Variants in PLD2 observed in about 807,000 individuals in gnomAD.
PLD2 encodes phospholipase D2, also known as choline phosphatase 2.
A neutral mutation model predicts 119.8 loss-of-function variants in PLD2; 101 were observed. The observed-to-expected ratio is 0.84, with a 90% CI of 0.72 to 0.99. The LOEUF is 0.99. Ranked by LOEUF, PLD2 falls within the 50% of genes least tolerant of loss-of-function variation. PLD2 has a pLI of 0.00. For synonymous variants in PLD2, 494 were observed against 482.8 expected (o/e 1.02, Z -0.30); for missense variants, 1,164 against 1,226.8 (o/e 0.95, Z 0.76).
chr17:4,818,797 C>T lies in PLD2; in HGVS notation c.2147C>T (p.Ser716Leu), dbSNP rs1193019938. ...TYRTLCRGEY[S>L]ILHRLKAAMG... ...AGGACCCTGTGTCGTGGGGAGTATT[C>T]AATCCTGCATCGCCTTAAAGCAGCC... is the stretch of plus-strand genomic sequence containing the variant. Residue 716 changes from serine to leucine, a missense_variant, in exon 21 of 25, where the codon TCA (serine) becomes TTA (leucine). Coordinates refer to ENST00000263088, the MANE Select transcript of PLD2 (RefSeq NM_002663.5). The T allele has an allele frequency of 1.2e-5, 20 of 1,614,156 alleles. No homozygotes were observed. Among genetic ancestry groups the T allele is most frequent in the Non-Finnish European group, 1.7e-5 (20 of 1,180,012 alleles).
Position 4,809,893 on chromosome 17 carries a change from G to A in PLD2, c.724G>A (p.Asp242Asn). 6.2e-7 allele frequency: 1 copy of A among 1,614,216 alleles called. No individual in the cohort carries two copies. Among genetic ancestry groups the A allele is most frequent in the Non-Finnish European group, 8.5e-7 (1 of 1,180,042 alleles). Reference protein sequence around the residue: ...RWSKRWLVVKDSFLLYMCLET... With the variant: ...RWSKRWLVVKNSFLLYMCLET... ...CTGCTCTAGGTGGCTGGTGGTGAAG[G>A]ACTCCTTCCTGCTGTACATGTGCCT... The change falls in exon 9 of 25, where the codon GAC (aspartate) becomes AAC (asparagine). Residue 242 changes from aspartate to asparagine, a missense_variant. Asp to Asn is a conservative substitution (Grantham distance 23). Transcript: ENST00000263088.
rs149773899 is a variant in PLD2 at position 4,819,146 on chromosome 17, G to A, written c.2236G>A (p.Gly746Arg). The change falls in exon 22 of 25, where the codon GGG (glycine) becomes AGG (arginine). Residue 746 changes from glycine (G) to arginine (R), a missense_variant. By Grantham distance (125) the Gly-to-Arg change is moderately radical. Transcript: ENST00000263088. This position sits in a 1 kb window ranked among gnomAD's most constrained non-coding sequence, Gnocchi z 4.2. ...GCTTCGTACACACGGAGAGCTGGGCGGGCACCCCGTCTCGGAGCTCATCTA... is the reference window on the plus strand; with the variant it reads ...GCTTCGTACACACGGAGAGCTGGGCAGGCACCCCGTCTCGGAGCTCATCTA... ...CGLRTHGELG[G>R]HPVSELIYIH... is the part of the protein sequence containing the mutation. The A allele has an allele frequency of 2.2e-3, 3,576 of 1,614,012 alleles. 6 individuals carry two copies. Among genetic ancestry groups the A allele is most frequent in the Non-Finnish European group, 2.6e-3 (3,052 of 1,180,022 alleles).
At position 4,822,876 on chromosome 17, in the gene PLD2, G is replaced by A. The variant is rs145171839; in HGVS notation, c.*12G>A. 732 of 1,468,632 alleles carry A rather than the reference G, an allele frequency of 5.0e-4. 3 individuals are homozygous for A. In the Middle Eastern group the frequency reaches 9.3e-3, roughly 19 times the overall value. 91.0% of individuals were successfully genotyped at this position (1,468,632 alleles called of 1,614,324 possible). Reference sequence around the variant, plus strand: ...AAGTGTGGACATAGTTGAGGCCCCCGTCAGGGAGAGGTCACCAGCTGCTGT... The same window carrying A: ...AAGTGTGGACATAGTTGAGGCCCCCATCAGGGAGAGGTCACCAGCTGCTGT... On this transcript the variant is annotated 3_prime_UTR_variant, in exon 25 of 25. Transcript: ENST00000263088.
At chr17:4,818,745 C>T (rs1567534098) in intron 20 of PLD2, 29 bp from the exon 21 acceptor site, 1 of 1,613,922 alleles carries the variant, frequency 6.2e-7, no homozygotes, top group African/African-American at 1.3e-5. Context: ...TGCCAGCCTC[C>T]ACTTCTCTCC....
chr17:4,817,924 C>G, intron 17 of PLD2, 78 bp from the exon 18 acceptor site: 1 of 1,009,444 alleles, frequency 9.9e-7, no homozygotes, highest in African/African-American at 1.6e-5. Flanking sequence ...TGCCACTGCA[C>G]TCCAGCCTAG....
intron 23 of PLD2, chr17:4,821,548 C>T (rs773889101): frequency 1.2e-5 from 4 of 329,520 alleles, no homozygotes; most frequent in African/African-American, 2.2e-5. Context: ...CACATGCCAC[C>T]GTGCCTGGCT....
In PLD2 at chr17:4,821,818, C is replaced by A; in HGVS notation, c.2488C>A (p.Pro830Thr). The A allele has an allele frequency of 1.2e-6, 2 of 1,613,886 alleles. No homozygotes were observed. The highest frequency in any genetic ancestry group is 2.2e-5 in the East Asian group (1 of 44,884). The change falls in exon 24 of 25, where the codon CCA becomes ACA. Residue 830 changes from proline to threonine, a missense_variant. Pro to Thr is a conservative substitution (Grantham distance 38, BLOSUM62 -1). Coordinates refer to ENST00000263088, the MANE Select transcript of PLD2 (RefSeq NM_002663.5). ...FGVILGANTRPDLDLRDPICD... is the reference protein window; with the variant it reads ...FGVILGANTRTDLDLRDPICD... ...TGTGATTCTTGGAGCAAATACCCGG[C>A]CAGACTTGGATCTCCGAGACCCCAT... is the stretch of plus-strand genomic sequence containing the variant.
At chr17:4,818,184 C>CA in intron 18 of PLD2, 78 bp downstream of exon 18, 1 of 1,409,782 alleles carries the variant, frequency 7.1e-7, no homozygotes, top group Non-Finnish European at 1.0e-6. Flanking sequence ...TGGAGTCAGT[C>CA]ATTGAGGGCT....
rs1243173110 is a variant in PLD2, at chr17:4,823,088, C to G, written c.*224C>G. 8.7e-5 allele frequency: 47 copies of G among 538,372 alleles called. No homozygotes were observed. Among genetic ancestry groups the G allele is most frequent in the Non-Finnish European group, 3.3e-5 (10 of 302,158 alleles). 33.3% of individuals were successfully genotyped at this position (538,372 alleles called of 1,614,324 possible). Reference sequence around the variant, plus strand: ...GGAGGAGAGAGTCCCAGAGCTCATCCCCCCTGCTGCCCAGTGCAAACCACT... The same window carrying G: ...GGAGGAGAGAGTCCCAGAGCTCATCGCCCCTGCTGCCCAGTGCAAACCACT... On this transcript the variant is annotated 3_prime_UTR_variant, in exon 25 of 25. Coordinates refer to ENST00000263088, the MANE Select transcript of PLD2 (RefSeq NM_002663.5).
chr17:4,822,535 G>A (rs1487385149), intron 24 of PLD2, 105 bp from the exon 25 acceptor site: 4 of 699,690 alleles, frequency 5.7e-6, no homozygotes. Context: ...AGGGTCAACG[G>A]GGGGTATGGA....
rs2286672 is a variant in PLD2, at chr17:4,809,322, C to T, written c.514C>T (p.Arg172Cys). 163,985 of 1,613,344 alleles carry T rather than the reference C, an allele frequency of 0.1. 14,533 individuals carry two copies. Among genetic ancestry groups the T allele is most frequent in the East Asian group, 0.39 (17,358 of 44,834 alleles). Residue 172 changes from arginine to cysteine, a missense_variant, in exon 6 of 25, where the codon CGT becomes TGT. Coordinates refer to ENST00000263088, the MANE Select transcript of PLD2 (RefSeq NM_002663.5). ...GAAATACCTGGAGAATTACCTCAAC[C>T]GTCTCTTGACCATGTCTTTCTATCG... ...KQKYLENYLNRLLTMSFYRNY... is the reference protein window; with the variant it reads ...KQKYLENYLNCLLTMSFYRNY...
intron 19 of PLD2, 51 bp downstream of exon 19, chr17:4,818,436 G>T: frequency 6.2e-7 from 1 of 1,604,418 alleles, no homozygotes; most frequent in Non-Finnish European, 8.5e-7. Flanking sequence ...TTTGAGCCCG[G>T]TTGAAGGGGG....
Position 4,807,749 on chromosome 17 carries a change from C to A in PLD2, c.-1-23C>A. 1 of 1,420,752 alleles carries A rather than the reference C, an allele frequency of 7.0e-7. No individual in the cohort carries two copies. The allele number at this position is 1,420,752 out of a possible 1,614,324, so 88.0% of individuals were successfully genotyped here. Reference sequence around the variant, plus strand: ...GGGTTCTGCAGGACAGCTCGCCTCCCTGAGGCTTCCCAATGTTCCTAGGAT... The same window carrying A: ...GGGTTCTGCAGGACAGCTCGCCTCCATGAGGCTTCCCAATGTTCCTAGGAT... On this transcript the variant is annotated intron_variant, in intron 1 of 24. Coordinates refer to ENST00000263088, the MANE Select transcript of PLD2 (RefSeq NM_002663.5). This position sits in a 1 kb window ranked among gnomAD's most constrained non-coding sequence, Gnocchi z 5.4.
Position 4,823,099 on chromosome 17 carries a change from C to G in PLD2, c.*235C>G. The G allele has an allele frequency of 2.0e-6, 1 of 505,980 alleles. No individual in the cohort carries two copies. Among genetic ancestry groups the G allele is most frequent in the South Asian group, 3.3e-5 (1 of 30,414 alleles). The allele number at this position is 505,980 out of a possible 1,614,324, so 31.3% of individuals were successfully genotyped here. ...TCCCAGAGCTCATCCCCCCTGCTGC[C>G]CAGTGCAAACCACTTCTCCATGCTG... On this transcript the variant is annotated 3_prime_UTR_variant, in exon 25 of 25. Coordinates refer to ENST00000263088, the MANE Select transcript of PLD2 (RefSeq NM_002663.5).
In PLD2 at chr17:4,807,852, T is replaced by A; in HGVS notation, c.80T>A (p.Val27Glu). 3 of 1,611,534 alleles carry A rather than the reference T, an allele frequency of 1.9e-6. No homozygotes were observed. The highest frequency in any genetic ancestry group is 2.5e-6 in the Non-Finnish European group (3 of 1,179,232). ...CAGCTCCAGATGGAGTCCGATGAGGTGGACACCCTGAAGGAGGGAGAGGAC... is the reference window on the plus strand; with the variant it reads ...CAGCTCCAGATGGAGTCCGATGAGGAGGACACCCTGAAGGAGGGAGAGGAC... Reference protein sequence around the residue: ...SSQLQMESDEVDTLKEGEDPA... With the variant: ...SSQLQMESDEEDTLKEGEDPA... The change falls in exon 2 of 25, where the codon GTG becomes GAG. Residue 27 changes from valine (V) to glutamate (E), a missense_variant. Transcript: ENST00000263088. The surrounding 1 kb of genome is among the most constrained non-coding windows in gnomAD (Gnocchi z 5.4).
At chr17:4,820,048 G>A (rs563328265) in intron 23 of PLD2, among the ~76,000 whole-genome samples, 12 of 150,828 alleles carry the variant, frequency 8.0e-5, no homozygotes, top group East Asian at 4.0e-4. Context: ...GGGTTCAAGC[G>A]ATTCTCCTGC....
At chr17:4,821,226 T>A (rs987707262) in intron 23 of PLD2, among the ~76,000 whole-genome samples, 3 of 151,308 alleles carry the variant, frequency 2.0e-5, no homozygotes, top group Admixed American at 2.0e-4. Flanking sequence ...TTAAAAGTAA[T>A]TTTTTTCACA....
chr17:4,810,901 G>GCACCGGCATGACAGCTACGCCC lies in PLD2; in HGVS notation c.965_986dup (p.Arg330AlafsTer2), dbSNP rs774472411. 6.2e-7 allele frequency: 1 copy of GCACCGGCATGACAGCTACGCCC among 1,613,650 alleles called. No individual in the cohort carries two copies. Among genetic ancestry groups the GCACCGGCATGACAGCTACGCCC allele is most frequent in the Non-Finnish European group, 8.5e-7 (1 of 1,179,900 alleles). On this transcript the variant is annotated frameshift_variant, in exon 10 of 25. Transcript: ENST00000263088. LOFTEE classifies it high-confidence loss of function. ...GCCCAGGCAGAGACTTCCTACAGCT[G>GCACCGGCATGACAGCTACGCCC]CACCGGCATGACAGCTACGCCCCAC... is the stretch of plus-strand genomic sequence containing the variant.
Position 4,818,913 on chromosome 17 carries a change from G to C in PLD2, c.2173+90G>C, listed in dbSNP as rs1455115209. On this transcript the variant is annotated intron_variant, in intron 21 of 24. Coordinates refer to ENST00000263088, the MANE Select transcript of PLD2 (RefSeq NM_002663.5). ...GGCCTGGGGGTGGGGGAAGGAGGCT[G>C]TCACTCCTGTGAGCCTCTGACGCTA... is the stretch of plus-strand genomic sequence containing the variant. 11 of 1,491,900 alleles carry C rather than the reference G, an allele frequency of 7.4e-6. No homozygotes were observed. In the African/African-American group the frequency reaches 1.4e-4, roughly 19 times the overall value. The allele number at this position is 1,491,900 out of a possible 1,614,324, so 92.4% of individuals were successfully genotyped here.
Sources: gnomAD v4.1 joint callset for allele counts (sites outside exome capture counted in the v4.1 genomes callset) on GRCh38, gnomAD v4.1.1 for gene constraint, Gnocchi (gnomAD v3.1) non-coding constraint, MANE v1.5 for transcripts, NCBI Gene and HGNC (gene_info 2026-07-23, HGNC 2026-07-21) for gene names.